SLC1A3: variants seen among roughly 807,000 people sequenced by gnomAD.
SLC1A3 encodes excitatory amino acid transporter 1.
A neutral mutation model predicts 48.1 loss-of-function variants in SLC1A3; 21 were observed. That is an observed-to-expected ratio of 0.44 (90% CI 0.31 to 0.63). The LOEUF (loss-of-function observed/expected upper bound fraction) is 0.63, where lower values mean the gene tolerates loss of function less well. Ranked by LOEUF, SLC1A3 falls within the 20% of genes least tolerant of loss-of-function variation. The pLI is 0.08. For synonymous variants in SLC1A3, 239 were observed against 251.4 expected, an observed-to-expected ratio of 0.95 and a Z score of 0.47; for missense variants, 546 against 689.0, an observed-to-expected ratio of 0.79 and a Z score of 2.32.
upstream of SLC1A3, among the ~76,000 whole-genome samples, chr5:36,602,717 T>G (rs1270208056): frequency 1.3e-5 from 2 of 152,186 alleles, no homozygotes; most frequent in Non-Finnish European, 2.9e-5. Context: ...CACGTGGGAA[T>G]CTATTTGGGG....
At chr5:36,597,654 TCTC>T (rs1252646035) in intron 1 of SLC1A3, among the ~76,000 whole-genome samples, 1 of 152,100 alleles carries the variant, frequency 6.6e-6, no homozygotes, top group Non-Finnish European at 1.5e-5. Flanking sequence ...CTTGGAACTC[TCTC>T]CTCAGTCTTT....
At chr5:36,680,733 A>G (rs1742409080) in intron 8 of SLC1A3, 144 bp downstream of exon 8, 6 of 723,582 alleles carry the variant, frequency 8.3e-6, no homozygotes, top group Admixed American at 6.1e-5. Flanking sequence ...GCCTGGCAAC[A>G]TAGTGAAACC....
At chr5:36,612,518 G>T (rs13170531) in intron 2 of SLC1A3, among the ~76,000 whole-genome samples, 36,596 of 151,650 alleles carry the variant, frequency 0.24, 5,678 homozygotes, top group Non-Finnish European at 0.35. Flanking sequence ...AAGCCCAGGA[G>T]GTTGAGGCTG....
At chr5:36,677,476 G>A (rs1197585051) in intron 6 of SLC1A3, among the ~76,000 whole-genome samples, 1 of 152,126 alleles carries the variant, frequency 6.6e-6, no homozygotes, top group Non-Finnish European at 1.5e-5. Context: ...TTTCATTCAA[G>A]ACATAATTAT....
At position 36,608,483 on chromosome 5, in the gene SLC1A3, G is replaced by A. The variant is rs1739054580; in HGVS notation, c.60G>A (p.Gln20=). ...GGGGCAGGATGGAGAGATTCCAGCA[G>A]GGAGTCCGTAAACGCACACTTTTGG... ...KMGGRMERFQ[Q]GVRKRTLLAK... is the part of the protein sequence containing the mutation. The change falls in exon 2 of 10, where the codon CAG becomes CAA. Residue 20 remains glutamine, a synonymous_variant. Coordinates refer to ENST00000265113, the MANE Select transcript of SLC1A3 (RefSeq NM_004172.5). The A allele has an allele frequency of 6.2e-7, 1 of 1,613,962 alleles. No homozygotes were observed. Among genetic ancestry groups the A allele is most frequent in the South Asian group, 1.1e-5 (1 of 91,080 alleles).
At chr5:36,640,653 T>C (rs1740578999) in intron 3 of SLC1A3, among the ~76,000 whole-genome samples, 1 of 152,146 alleles carries the variant, frequency 6.6e-6, no homozygotes, top group Non-Finnish European at 1.5e-5. Context: ...TGTTGGCTAA[T>C]CCTTTAGAAG....
intron 3 of SLC1A3, chr5:36,636,133 T>C (rs1740341870): frequency 1.3e-5 from 2 of 151,866 alleles, no homozygotes; most frequent in South Asian, 4.2e-4. Flanking sequence ...CCAAAAAGAA[T>C]TTACCTTTCC....
chr5:36,663,750 T>C (rs758079616), intron 3 of SLC1A3, among the ~76,000 whole-genome samples: 3 of 152,218 alleles, frequency 2.0e-5, no homozygotes, highest in Non-Finnish European at 4.4e-5. Context: ...TGTGATATTA[T>C]AAACAGCCAT....
chr5:36,612,844 GT>G (rs990648537), intron 2 of SLC1A3: 9 of 455,970 alleles, frequency 2.0e-5, no homozygotes, highest in Non-Finnish European at 3.5e-5. Flanking sequence ...TCACCACACT[GT>G]TCTGGGTGCT....
At chr5:36,670,369 A>T (rs1741938782) in intron 3 of SLC1A3, among the ~76,000 whole-genome samples, 1 of 152,188 alleles carries the variant, frequency 6.6e-6, no homozygotes, top group Non-Finnish European at 1.5e-5. Flanking sequence ...ATTTTTAAAA[A>T]TTCTTTGATT....
chr5:36,620,829 A>C (rs1190075171), intron 2 of SLC1A3, among the ~76,000 whole-genome samples: 1 of 152,174 alleles, frequency 6.6e-6, no homozygotes, highest in Non-Finnish European at 1.5e-5. Flanking sequence ...AGGTGATAGG[A>C]ACTATTAAAA....
upstream of SLC1A3, chr5:36,606,230 T>A (rs1315129044): frequency 6.6e-6 from 1 of 152,246 alleles, no homozygotes; most frequent in Admixed American, 6.5e-5. Context: ...ACAACCAGGC[T>A]AAAGAGCACA....
At chr5:36,598,275 T>C (rs183128639) in intron 1 of SLC1A3, among the ~76,000 whole-genome samples, 1 of 152,278 alleles carries the variant, frequency 6.6e-6, no homozygotes, top group East Asian at 1.9e-4. Flanking sequence ...TTAGTAACAG[T>C]GGGATTGTTG....
intron 2 of SLC1A3, among the ~76,000 whole-genome samples, chr5:36,626,182 C>A (rs1425827571): frequency 1.3e-5 from 2 of 152,058 alleles, no homozygotes; most frequent in African/African-American, 2.4e-5. Context: ...TATACACAAC[C>A]AGTGTTGTTG....
intron 2 of SLC1A3, among the ~76,000 whole-genome samples, chr5:36,610,842 C>T (rs1394088013): frequency 6.6e-6 from 1 of 152,058 alleles, no homozygotes; most frequent in African/African-American, 2.4e-5. Flanking sequence ...GTTGGCTTTA[C>T]TAATGGAAAC....
intron 3 of SLC1A3, among the ~76,000 whole-genome samples, chr5:36,662,096 T>C (rs1289191398): frequency 1.3e-5 from 2 of 152,244 alleles, no homozygotes; most frequent in Non-Finnish European, 1.5e-5. Context: ...GCTGGGGCTC[T>C]GGCCCTCAAA....
chr5:36,667,377 A>C (rs532178475), intron 3 of SLC1A3, among the ~76,000 whole-genome samples: 1 of 152,368 alleles, frequency 6.6e-6, no homozygotes, highest in East Asian at 1.9e-4. Context: ...CAAGTGGCTC[A>C]TCTTAGCAAT....
At chr5:36,601,340 TA>T (rs1319114026) in intron 1 of SLC1A3, among the ~76,000 whole-genome samples, 1 of 152,222 alleles carries the variant, frequency 6.6e-6, no homozygotes, top group Non-Finnish European at 1.5e-5. Flanking sequence ...TGAGTGTATA[TA>T]AAAATTTGTG....
chr5:36,615,884 T>C (rs987434056), intron 2 of SLC1A3, among the ~76,000 whole-genome samples: 2 of 152,254 alleles, frequency 1.3e-5, no homozygotes, highest in African/African-American at 4.8e-5. Context: ...GTTTAGCGAC[T>C]ATACTCACTG....
Sources: gnomAD v4.1 joint callset for allele counts (sites outside exome capture counted in the v4.1 genomes callset) on GRCh38, gnomAD v4.1.1 for gene constraint, MANE v1.5 for transcripts, NCBI Gene and HGNC (gene_info 2026-07-23, HGNC 2026-07-21) for gene names.